DCT: variants seen among roughly 807,000 people sequenced by gnomAD.
DCT encodes L-dopachrome tautomerase.
Under a neutral mutation model 53.0 loss-of-function variants are expected in DCT, and 47 were observed. The ratio of observed to expected loss-of-function variants is 0.89; its 90% CI spans 0.70 to 1.13. The LOEUF (loss-of-function observed/expected upper bound fraction) is 1.13, where lower values mean the gene tolerates loss of function less well. Ranked by LOEUF, DCT falls within the 50% of genes most tolerant of loss-of-function variation. DCT has a pLI of 0.00. For synonymous variants in DCT, 244 were observed against 237.0 expected (o/e 1.03, Z -0.27); for missense variants, 669 against 637.4 (o/e 1.05, Z -0.53).
At chr13:94,498,792 A>C in the DCT span, among the ~76,000 whole-genome samples, 1 of 152,188 alleles carries the variant, frequency 6.6e-6, no homozygotes, top group South Asian at 2.1e-4. Context: ...TGTCTAGCTA[A>C]AGGATTGTAA....
At chr13:94,538,841 C>T in the DCT span, among the ~76,000 whole-genome samples, 1,002 of 152,288 alleles carry the variant, frequency 6.6e-3, 13 homozygotes, top group African/African-American at 0.023. Context: ...TACTCAGCTG[C>T]TTCTCCTCCC....
the DCT span, among the ~76,000 whole-genome samples, chr13:94,488,723 T>TATAC: frequency 9.3e-5 from 13 of 139,132 alleles, no homozygotes; most frequent in African/African-American, 3.6e-4. Context: ...GTCTAATATA[T>TATAC]ACACACACAC....
the DCT span, among the ~76,000 whole-genome samples, chr13:94,490,599 C>A: frequency 6.7e-6 from 1 of 150,280 alleles, no homozygotes; most frequent in Non-Finnish European, 1.5e-5. Context: ...TTGAATCTCA[C>A]CTGCACTCAT....
rs1245468878 is a variant in DCT at position 94,438,165 on chromosome 13, T to G, written c.*1733A>C. On this transcript the variant is annotated 3_prime_UTR_variant, in exon 8 of 8. Coordinates refer to ENST00000377028, the MANE Select transcript of DCT (RefSeq NM_001922.5). ...TTTCTCTTTTTGTTTAAAACCAAGA[T>G]TTAAAAATGTGTTCCCCAACTATCC... 6.6e-6 allele frequency: 1 copy of G among 152,334 alleles called. No individual in the cohort carries two copies. Among genetic ancestry groups the G allele is most frequent in the Non-Finnish European group, 1.5e-5 (1 of 68,120 alleles). The allele number at this position is 152,334 out of a possible 1,614,324, so 9.4% of individuals were successfully genotyped here. A position where few individuals can be genotyped will look rare whatever the true frequency, so the allele number is the denominator to read the frequency against.
rs921848685 is a variant in DCT at position 94,478,346 on chromosome 13, G to A, written c.295+615C>T. Among the ~76,000 whole-genome samples, 5 of 152,010 alleles carry A rather than the reference G, an allele frequency of 3.3e-5. No homozygotes were observed. The South Asian group carries it at 6.2e-4, about 19-fold the overall frequency. On this transcript the variant is annotated intron_variant, in intron 1 of 7. Transcript: ENST00000377028. ...ACAAAAATTAGCCAGGCATGATGGC[G>A]GGTGCCTGTAATCCCAGCTACTTGG...
At chr13:94,499,164 C>A in the DCT span, among the ~76,000 whole-genome samples, 3 of 152,178 alleles carry the variant, frequency 2.0e-5, no homozygotes, top group African/African-American at 7.2e-5. Flanking sequence ...AGAGCTGTAA[C>A]ACTGGCTGCA....
intron 1 of DCT, among the ~76,000 whole-genome samples, chr13:94,476,469 CT>C (rs57154236): frequency 0.27 from 30,034 of 110,904 alleles, 3,177 homozygotes; most frequent in Non-Finnish European, 0.33. Flanking sequence ...TTGGCACTTT[CT>C]TTTTTTTTTT....
chr13:94,502,822 C>T, the DCT span, among the ~76,000 whole-genome samples: 2 of 152,144 alleles, frequency 1.3e-5, no homozygotes, highest in Admixed American at 1.3e-4. Flanking sequence ...ATCTCCAGAC[C>T]ACATCTGCTC....
chr13:94,438,504 C>T lies in DCT; in HGVS notation c.*1394G>A. ...CTAGGACCCCTTATGTTGAAGGCAG[C>T]TCCAGGGACCTCTTAACACCCATTC... On this transcript the variant is annotated 3_prime_UTR_variant, in exon 8 of 8. Coordinates refer to ENST00000377028, the MANE Select transcript of DCT (RefSeq NM_001922.5). 2.3e-6 allele frequency: 1 copy of T among 438,380 alleles called. No individual in the cohort carries two copies. Among genetic ancestry groups the T allele is most frequent in the South Asian group, 1.6e-5 (1 of 61,192 alleles). The allele number at this position is 438,380 out of a possible 1,614,324, so 27.2% of individuals were successfully genotyped here.
the DCT span, among the ~76,000 whole-genome samples, chr13:94,515,441 C>T: frequency 9.2e-5 from 14 of 152,104 alleles, no homozygotes; most frequent in Admixed American, 7.2e-4. Flanking sequence ...CAATTGGATG[C>T]GGAAGGTGAG....
intron 6 of DCT, among the ~76,000 whole-genome samples, chr13:94,451,192 C>G (rs1566813102): frequency 6.6e-6 from 1 of 152,108 alleles, no homozygotes; most frequent in Non-Finnish European, 1.5e-5. Flanking sequence ...TAACTGTGTA[C>G]CTGCTATTTA....
the DCT span, among the ~76,000 whole-genome samples, chr13:94,489,817 C>A: frequency 0.034 from 5,225 of 151,964 alleles, 107 homozygotes; most frequent in South Asian, 0.1. Context: ...ATTATAAGTA[C>A]TTCTAATAAT....
At chr13:94,480,998 G>A (rs1250129336), upstream of DCT, among the ~76,000 whole-genome samples, 2 of 152,158 alleles carry the variant, frequency 1.3e-5, no homozygotes, top group Non-Finnish European at 2.9e-5. Context: ...TCAGCCAGGC[G>A]GCTGCACTCT....
At chr13:94,517,770 G>A in the DCT span, among the ~76,000 whole-genome samples, 9 of 152,266 alleles carry the variant, frequency 5.9e-5, no homozygotes, top group East Asian at 9.7e-4. Context: ...GGCAAAGATC[G>A]GAATGATGCA....
rs1276600916 is a variant in DCT at position 94,437,545 on chromosome 13, C to T, written c.*2353G>A. ...AGCATTTCTATTAAAATCATACATG[C>T]AGTTTTTCTAATACTGAAGATATAA... On this transcript the variant is annotated 3_prime_UTR_variant, in exon 8 of 8. Coordinates refer to ENST00000377028, the MANE Select transcript of DCT (RefSeq NM_001922.5). 6.6e-6 allele frequency: 1 copy of T among 152,140 alleles called. No homozygotes were observed. The highest frequency in any genetic ancestry group is 2.4e-5 in the African/African-American group (1 of 41,442). 9.4% of individuals were successfully genotyped at this position (152,140 alleles called of 1,614,324 possible). A position where few individuals can be genotyped will look rare whatever the true frequency, so the allele number is the denominator to read the frequency against.
chr13:94,536,680 C>T, the DCT span, among the ~76,000 whole-genome samples: 7 of 152,252 alleles, frequency 4.6e-5, no homozygotes, highest in East Asian at 9.7e-4. Context: ...CGGTGGCTCA[C>T]GCTTGTAATC....
At chr13:94,466,087 A>G (rs1047074251) in intron 3 of DCT, among the ~76,000 whole-genome samples, 1 of 144,942 alleles carries the variant, frequency 6.9e-6, no homozygotes, top group Non-Finnish European at 1.5e-5. Flanking sequence ...CAAAATGTGA[A>G]TGAATCTAGA....
At chr13:94,465,969 TA>T (rs1409123547) in intron 3 of DCT, among the ~76,000 whole-genome samples, 170 bp from the exon 4 acceptor site, 86 of 882 alleles carry the variant, frequency 0.098, no homozygotes, top group Middle Eastern at 0.25. Context: ...GTGTATATTT[TA>T]TATATATATA....
the DCT span, among the ~76,000 whole-genome samples, chr13:94,531,113 A>G: frequency 1.3e-5 from 2 of 152,222 alleles, no homozygotes; most frequent in African/African-American, 2.4e-5. Context: ...AAGGAGAACT[A>G]CAAACCACTG....
Sources: allele counts gnomAD v4.1 joint callset (sites outside exome capture counted in the v4.1 genomes callset), GRCh38; gene constraint gnomAD v4.1.1; transcripts MANE v1.5; gene names NCBI Gene and HGNC (gene_info 2026-07-23, HGNC 2026-07-21).